CLN6: variants seen among roughly 807,000 people sequenced by gnomAD.
CLN6 encodes ceroid-lipofuscinosis neuronal protein 6.
Under a neutral mutation model 33.3 loss-of-function variants are expected in CLN6, and 22 were observed. The observed-to-expected ratio is 0.66, with a 90% CI of 0.47 to 0.94. CLN6 has a LOEUF of 0.94. Ranked by LOEUF, CLN6 falls within the 40% of genes least tolerant of loss-of-function variation. The probability of loss-of-function intolerance (pLI) is 0.00; values close to 1 mark genes in which losing one functional copy is unlikely to be tolerated. For synonymous variants in CLN6, 201 were observed against 174.6 expected (o/e 1.15, Z -1.19); for missense variants, 387 against 417.1 (o/e 0.93, Z 0.63).
At chr15:68,243,704 G>A (rs1892298343) in intron 1 of CLN6, among the ~76,000 whole-genome samples, 2 of 148,028 alleles carry the variant, frequency 1.4e-5, no homozygotes, top group African/African-American at 2.5e-5. Context: ...GCAGTGAGCC[G>A]ATATTGCGCC....
At chr15:68,226,798 A>C (rs796213422) in intron 1 of CLN6, among the ~76,000 whole-genome samples, 1 of 151,848 alleles carries the variant, frequency 6.6e-6, no homozygotes, top group East Asian at 1.9e-4. Context: ...TGGTTTAATT[A>C]ATACATGCAA....
At chr15:68,229,367 C>T (rs890133138) in intron 1 of CLN6, 135 bp downstream of exon 1, 6 of 599,638 alleles carry the variant, frequency 1.0e-5, no homozygotes, top group African/African-American at 2.0e-5. Flanking sequence ...CTCCAAGCCC[C>T]CCGCGCTCCG....
In CLN6 at chr15:68,241,933, T is replaced by A. The variant is rs1273491759; in HGVS notation, c.179+14757A>T. 6.6e-6 allele frequency among the ~76,000 whole-genome samples: 1 copy of A among 152,058 alleles called. No individual in the cohort carries two copies. The highest frequency in any genetic ancestry group is 1.5e-5 in the Non-Finnish European group (1 of 68,026). On this transcript the variant is annotated intron_variant, in intron 1 of 6. Coordinates refer to the CLN6 transcript ENST00000538696. This position sits in a 1 kb window ranked among gnomAD's most constrained non-coding sequence, Gnocchi z 4.2. ...AACAAATAAGAAATTCAGCAGTATA[T>A]TACAAAGACTCTATAAGCAAACATA...
intron 1 of CLN6, among the ~76,000 whole-genome samples, chr15:68,238,767 A>G (rs2141161294): frequency 6.6e-6 from 1 of 152,356 alleles, no homozygotes; most frequent in Non-Finnish European, 1.5e-5. Flanking sequence ...TGATCGCAGA[A>G]GAAGGGAAAC....
At chr15:68,214,675 AC>A in intron 2 of CLN6, 1 of 403,100 alleles carries the variant, frequency 2.5e-6, no homozygotes, top group Non-Finnish European at 4.7e-6. Context: ...CCCAGCAGAT[AC>A]CAAATAAATG....
intron 1 of CLN6, among the ~76,000 whole-genome samples, chr15:68,235,169 C>T (rs1892206764): frequency 6.6e-6 from 1 of 152,148 alleles, no homozygotes; most frequent in African/African-American, 2.4e-5. Context: ...AACCTTGGCT[C>T]CTGCTTATAG....
chr15:68,236,067 A>G lies in CLN6; in HGVS notation c.180-17417T>C, dbSNP rs151211815. ...AATGTTTAAATAAATAAAACATGGT[A>G]TCACAGGAAAAAGCAAGGGATGAAA... On this transcript the variant is annotated intron_variant, in intron 1 of 6. Coordinates refer to the CLN6 transcript ENST00000538696. The surrounding 1 kb of genome is among the most constrained non-coding windows in gnomAD (Gnocchi z 4.5). 9.8e-5 allele frequency among the ~76,000 whole-genome samples: 15 copies of G among 152,366 alleles called. No individual in the cohort carries two copies. In the East Asian group the frequency reaches 2.7e-3, roughly 27 times the overall value.
upstream of CLN6, among the ~76,000 whole-genome samples, chr15:68,233,776 A>G (rs1344832570): frequency 1.3e-5 from 2 of 152,156 alleles, no homozygotes; most frequent in African/African-American, 4.8e-5. This position sits in a 1 kb window ranked among gnomAD's most constrained non-coding sequence, Gnocchi z 4.3. Flanking sequence ...TGACTAGGGG[A>G]TCTCTAAGTG....
At chr15:68,235,194 G>T (rs1892206875) in intron 1 of CLN6, among the ~76,000 whole-genome samples, 1 of 152,012 alleles carries the variant, frequency 6.6e-6, no homozygotes, top group African/African-American at 2.4e-5. Flanking sequence ...GTTAACTCAG[G>T]TACAAAGAAG....
chr15:68,254,618 G>A (rs1311398789), intron 1 of CLN6: 3 of 629,862 alleles, frequency 4.8e-6, no homozygotes, highest in East Asian at 5.6e-5. Context: ...TCCCGCCGCC[G>A]TTGCCGCCAC....
Position 68,210,492 on chromosome 15 carries a change from C to T in CLN6, c.543-733G>A, listed in dbSNP as rs1229975076. ...GATTGACATCGCAGGGCCCGAAACACCCTGGAAATGCCCGTGCAGGGTGCG... is the reference window on the plus strand; with the variant it reads ...GATTGACATCGCAGGGCCCGAAACATCCTGGAAATGCCCGTGCAGGGTGCG... On this transcript the variant is annotated intron_variant, in intron 5 of 6. Transcript: ENST00000249806. The surrounding 1 kb of genome is among the most constrained non-coding windows in gnomAD (Gnocchi z 5.6). Among the ~76,000 whole-genome samples, 3 of 152,202 alleles carry T rather than the reference C, an allele frequency of 2.0e-5. No homozygotes were observed. Among genetic ancestry groups the T allele is most frequent in the Non-Finnish European group, 4.4e-5 (3 of 68,030 alleles).
At chr15:68,244,910 C>A (rs1892314911) in intron 1 of CLN6, among the ~76,000 whole-genome samples, 1 of 151,438 alleles carries the variant, frequency 6.6e-6, no homozygotes, top group Non-Finnish European at 1.5e-5. Flanking sequence ...AAAAATCAGC[C>A]AGGTGTGATG....
Position 68,245,132 on chromosome 15 carries a change from G to GT in CLN6, c.179+11557dup, listed in dbSNP as rs1013392564. 3.9e-3 allele frequency among the ~76,000 whole-genome samples: 559 copies of GT among 143,410 alleles called. 4 individuals carry two copies. The highest frequency in any genetic ancestry group is 0.012 in the African/African-American group (472 of 39,258). 94.1% of individuals were successfully genotyped at this position (143,410 alleles called of 152,430 possible). A position where few individuals can be genotyped will look rare whatever the true frequency, so the allele number is the denominator to read the frequency against. On this transcript the variant is annotated intron_variant, in intron 1 of 6. Transcript: ENST00000538696. ...GGGGAGATGGAGTTAAAGTGCAGAG[G>GT]TTTTTTTTTTTGGTTTTGCTTTATT...
rs143781303 is a variant in CLN6, at chr15:68,208,309, T to C, written c.767A>G (p.Asp256Gly). The change falls in exon 7 of 7, where the codon GAC (aspartate) becomes GGC (glycine). Residue 256 changes from aspartate to glycine, a missense_variant. By Grantham distance (94) the Asp-to-Gly change is moderately conservative (BLOSUM62 -1). Transcript: ENST00000249806. The surrounding 1 kb of genome is among the most constrained non-coding windows in gnomAD (Gnocchi z 5.8). ...LHQKRKRLFL[D>G]SNGLFLFSSF... ...GGAGAAGAGGAAGAGGCCGTTGCTGTCCAGGAAGAGGCGCTTGCGCTTCTG... is the reference window on the plus strand; with the variant it reads ...GGAGAAGAGGAAGAGGCCGTTGCTGCCCAGGAAGAGGCGCTTGCGCTTCTG... 57 of 1,614,122 alleles carry C rather than the reference T, an allele frequency of 3.5e-5. No homozygotes were observed. The highest frequency in any genetic ancestry group is 4.7e-5 in the Non-Finnish European group (55 of 1,180,032).
Position 68,221,646 on chromosome 15 carries a change from C to T in CLN6, c.84-2996G>A, listed in dbSNP as rs190606269. Reference sequence around the variant, plus strand: ...GCTAAGATTACAGGCTCTGCCCGGCCGCCACCCCATCTAGGAAGTGAGGAG... The same window carrying T: ...GCTAAGATTACAGGCTCTGCCCGGCTGCCACCCCATCTAGGAAGTGAGGAG... On this transcript the variant is annotated intron_variant, in intron 1 of 6. Coordinates refer to ENST00000249806, the MANE Select transcript of CLN6 (RefSeq NM_017882.3). Among the ~76,000 whole-genome samples, 185 of 152,156 alleles carry T rather than the reference C, an allele frequency of 1.2e-3. 2 individuals are homozygous for T. The highest frequency in any genetic ancestry group is 6.6e-3 in the South Asian group (32 of 4,818).
intron 2 of CLN6, 132 bp downstream of exon 2, chr15:68,218,404 G>A (rs935418393): frequency 3.7e-5 from 27 of 726,246 alleles, no homozygotes; most frequent in Admixed American, 3.5e-4. Context: ...GGATATGAAG[G>A]CATCCAGGCC....
chr15:68,231,986 T>C (rs2093269216), upstream of CLN6, among the ~76,000 whole-genome samples: 1 of 152,172 alleles, frequency 6.6e-6, no homozygotes, highest in African/African-American at 2.4e-5. Context: ...TCTGAGAACA[T>C]GGGCCCTGCA....
At chr15:68,237,184 A>AC (rs1892228863) in intron 1 of CLN6, among the ~76,000 whole-genome samples, 1 of 132,628 alleles carries the variant, frequency 7.5e-6, no homozygotes, top group Non-Finnish European at 1.7e-5. Context: ...AAAAAAAAAA[A>AC]AAAAACTGAA....
rs938706029 is a variant in CLN6 at position 68,229,489 on chromosome 15, G to T, written c.83+13C>A. 2 of 1,460,540 alleles carry T rather than the reference G, an allele frequency of 1.4e-6. No individual in the cohort carries two copies. The highest frequency in any genetic ancestry group is 1.8e-6 in the Non-Finnish European group (2 of 1,110,734). 90.5% of individuals were successfully genotyped at this position (1,460,540 alleles called of 1,614,324 possible). ...GGCGCCTAGCCCGCCCTCTCACCCC[G>T]GCGCGCGCCCACCTGGCCTGCAGGA... is the stretch of plus-strand genomic sequence containing the variant. On this transcript the variant is annotated intron_variant, in intron 1 of 6. Transcript: ENST00000249806.
Sources: allele counts gnomAD v4.1 joint callset (sites outside exome capture counted in the v4.1 genomes callset), GRCh38; gene constraint gnomAD v4.1.1; non-coding constraint Gnocchi (gnomAD v3.1); transcripts MANE v1.5; gene names NCBI Gene and HGNC (gene_info 2026-07-23, HGNC 2026-07-21).